The following ANO3 variants were observed in gnomAD, a reference collection of about 807,000 sequenced individuals.
The protein encoded by ANO3 is anoctamin-3.
Under a neutral mutation model 144.8 loss-of-function variants are expected in ANO3, and 99 were observed. That is an observed-to-expected ratio of 0.68 (90% CI 0.58 to 0.81). The LOEUF is 0.81. ANO3 is among the 30% of genes least tolerant of loss of function. ANO3 has a pLI of 0.00. For synonymous variants in ANO3, 414 were observed against 392.6 expected (o/e 1.05, Z -0.64); for missense variants, 905 against 1,202.2 (o/e 0.75, Z 3.66).
At chr11:26,493,234 T>A (rs1860785301) in intron 4 of ANO3, among the ~76,000 whole-genome samples, 1 of 152,114 alleles carries the variant, frequency 6.6e-6, no homozygotes, top group East Asian at 1.9e-4. Flanking sequence ...TAGGTGTGTG[T>A]TTTTTAGAGT....
At position 26,585,831 on chromosome 11, in the gene ANO3, C is replaced by T. The variant is rs905811565; in HGVS notation, c.1448-12534C>T. 2.0e-5 allele frequency among the ~76,000 whole-genome samples: 3 copies of T among 152,130 alleles called. 1 individual carries two copies. Among genetic ancestry groups the T allele is most frequent in the African/African-American group, 4.8e-5 (2 of 41,432 alleles). ...TTAAACTGAAGGTTAATAACAATAG[C>T]CATTTTATGAAACATTTCATGTACA... On this transcript the variant is annotated intron_variant, in intron 14 of 26. Transcript: ENST00000256737.
intron 1 of ANO3, among the ~76,000 whole-genome samples, chr11:26,229,046 G>T (rs1852326629): frequency 6.6e-6 from 1 of 152,098 alleles, no homozygotes; most frequent in African/African-American, 2.4e-5. Context: ...TGTTTATGTT[G>T]TGCTACAGCC....
intron 14 of ANO3, among the ~76,000 whole-genome samples, chr11:26,594,281 G>T (rs1429136670): frequency 1.3e-5 from 2 of 152,142 alleles, no homozygotes; most frequent in Non-Finnish European, 2.9e-5. Context: ...CTGGCCTGTG[G>T]GGAATCATTC....
intron 6 of ANO3, among the ~76,000 whole-genome samples, chr11:26,519,331 A>G (rs1278432219): frequency 6.6e-6 from 1 of 152,218 alleles, no homozygotes; most frequent in Non-Finnish European, 1.5e-5. Context: ...CCATGATTCC[A>G]GAAGATTGGT....
At chr11:26,646,624 T>C (rs1426525239) in intron 23 of ANO3, among the ~76,000 whole-genome samples, 2 of 152,110 alleles carry the variant, frequency 1.3e-5, no homozygotes, top group Non-Finnish European at 2.9e-5. Flanking sequence ...GCCATTTCTC[T>C]GAATACTAGT....
At chr11:26,350,857 AT>A (rs2133912335) in intron 1 of ANO3, among the ~76,000 whole-genome samples, 1 of 152,204 alleles carries the variant, frequency 6.6e-6, no homozygotes, top group Admixed American at 6.5e-5. Context: ...TTAGCCTTAT[AT>A]TTCTTTATTA....
intron 1 of ANO3, among the ~76,000 whole-genome samples, chr11:26,371,495 C>T (rs1379152629): frequency 5.9e-5 from 9 of 152,154 alleles, no homozygotes; most frequent in Non-Finnish European, 2.9e-5. Flanking sequence ...AAGAAGAGGA[C>T]CATCATCATC....
At chr11:26,277,802 T>A (rs778217277) in intron 1 of ANO3, among the ~76,000 whole-genome samples, 1 of 152,060 alleles carries the variant, frequency 6.6e-6, no homozygotes, top group Non-Finnish European at 1.5e-5. Flanking sequence ...TCATACTACA[T>A]CATCTCTGGA....
chr11:26,346,230 T>C (rs1477345502), intron 1 of ANO3, among the ~76,000 whole-genome samples: 2 of 152,220 alleles, frequency 1.3e-5, no homozygotes, highest in African/African-American at 2.4e-5. Context: ...AGATATATTA[T>C]GTTTAAGCTT....
intron 4 of ANO3, among the ~76,000 whole-genome samples, chr11:26,504,585 T>C (rs1242145784): frequency 6.6e-6 from 1 of 151,708 alleles, no homozygotes; most frequent in Non-Finnish European, 1.5e-5. Context: ...AAAAAAGATA[T>C]CAGGGGAAGT....
At chr11:26,557,735 C>T (rs1238517284) in intron 13 of ANO3, among the ~76,000 whole-genome samples, 1 of 152,138 alleles carries the variant, frequency 6.6e-6, no homozygotes, top group African/African-American at 2.4e-5. Context: ...ATGATCTAAG[C>T]TTGAGCCATT....
chr11:26,312,534 A>G (rs1331471858), intron 1 of ANO3, among the ~76,000 whole-genome samples: 1 of 152,136 alleles, frequency 6.6e-6, no homozygotes, highest in East Asian at 1.9e-4. Context: ...AATGATCACC[A>G]TTCTAACTGG....
At chr11:26,381,755 G>A (rs1415869094) in intron 1 of ANO3, among the ~76,000 whole-genome samples, 1 of 152,092 alleles carries the variant, frequency 6.6e-6, no homozygotes, top group South Asian at 2.1e-4. Flanking sequence ...TGCCAACAAT[G>A]TCTGGAGAAT....
intron 1 of ANO3, among the ~76,000 whole-genome samples, chr11:26,375,157 G>A (rs1470837688): frequency 6.6e-6 from 1 of 152,194 alleles, no homozygotes; most frequent in African/African-American, 2.4e-5. Context: ...ATGGGTGACA[G>A]TGACAGATCA....
intron 1 of ANO3, among the ~76,000 whole-genome samples, chr11:26,221,790 C>A (rs1003094544): frequency 1.3e-5 from 2 of 152,084 alleles, no homozygotes; most frequent in African/African-American, 2.4e-5. Flanking sequence ...ACACTTTAAA[C>A]AATCAGATCT....
intron 4 of ANO3, among the ~76,000 whole-genome samples, chr11:26,479,391 T>C (rs1860114761): frequency 6.6e-6 from 1 of 152,208 alleles, no homozygotes; most frequent in African/African-American, 2.4e-5. Flanking sequence ...AATAAAGACA[T>C]ACCTGAAACT....
At chr11:26,325,235 C>T (rs1854855950) in intron 1 of ANO3, among the ~76,000 whole-genome samples, 1 of 152,050 alleles carries the variant, frequency 6.6e-6, no homozygotes, top group Non-Finnish European at 1.5e-5. Flanking sequence ...CAAAGATGCG[C>T]AGGGTATTTT....
chr11:26,644,161 C>T (rs1853264946), intron 23 of ANO3, among the ~76,000 whole-genome samples: 2 of 152,144 alleles, frequency 1.3e-5, no homozygotes, highest in South Asian at 2.1e-4. Flanking sequence ...CAAAACTTAA[C>T]ATTTTTAGTT....
chr11:26,457,230 AAAAG>A (rs1462209378), intron 3 of ANO3, among the ~76,000 whole-genome samples: 5 of 27,134 alleles, frequency 1.8e-4, no homozygotes, highest in African/African-American at 2.2e-4. Flanking sequence ...TATAATTAAA[AAAAG>A]AAATAAAAAA....
Sources: gnomAD v4.1 joint callset for allele counts (sites outside exome capture counted in the v4.1 genomes callset) on GRCh38, gnomAD v4.1.1 for gene constraint, MANE v1.5 for transcripts, NCBI Gene and HGNC (gene_info 2026-07-23, HGNC 2026-07-21) for gene names.